Variants in SLC6A11 observed in about 807,000 individuals in gnomAD.
SLC6A11 encodes the protein solute carrier family 6 member 11.
A neutral mutation model predicts 74.8 loss-of-function variants in SLC6A11; 25 were observed. The observed-to-expected ratio is 0.33, with a 90% CI of 0.24 to 0.47. The LOEUF (loss-of-function observed/expected upper bound fraction) is 0.47. Among genes scored for constraint, SLC6A11 ranks in the 20% least tolerant of loss-of-function variants. The pLI, the probability that SLC6A11 is intolerant of heterozygous loss-of-function variation, is 1.00. For synonymous variants in SLC6A11, 330 were observed against 330.2 expected (o/e 1.00, Z 0.01); for missense variants, 574 against 837.0 (o/e 0.69, Z 3.88).
chr3:10,849,824 G>GA (rs1169309110), intron 5 of SLC6A11, among the ~76,000 whole-genome samples: 5 of 57,218 alleles, frequency 8.7e-5, no homozygotes, highest in Non-Finnish European at 1.5e-4. Flanking sequence ...AAAAAAAAAC[G>GA]AAAAAAAACC....
chr3:10,833,024 T>C (rs1694317521), intron 4 of SLC6A11, among the ~76,000 whole-genome samples: 1 of 152,158 alleles, frequency 6.6e-6, no homozygotes, highest in South Asian at 2.1e-4. Flanking sequence ...AGGACCCCCA[T>C]CTGCCAGGCA....
chr3:10,929,008 C>T (rs1214793182), intron 9 of SLC6A11, among the ~76,000 whole-genome samples, 194 bp from the exon 10 acceptor site: 3 of 152,148 alleles, frequency 2.0e-5, no homozygotes, highest in South Asian at 2.1e-4. Flanking sequence ...GCCTCAGCGT[C>T]GTCATCTGTT....
At chr3:10,831,708 T>C (rs1694300882) in intron 4 of SLC6A11, among the ~76,000 whole-genome samples, 1 of 152,230 alleles carries the variant, frequency 6.6e-6, no homozygotes, top group African/African-American at 2.4e-5. Flanking sequence ...TATTTCATAA[T>C]TTAAAAAATA....
At chr3:10,850,064 A>G (rs1559559688) in intron 5 of SLC6A11, among the ~76,000 whole-genome samples, 1 of 152,070 alleles carries the variant, frequency 6.6e-6, no homozygotes, top group East Asian at 1.9e-4. Context: ...GACCCATAAA[A>G]CCTAATATAT....
At chr3:10,884,025 T>TA (rs1464228371) in intron 6 of SLC6A11, among the ~76,000 whole-genome samples, 2 of 152,168 alleles carry the variant, frequency 1.3e-5, no homozygotes, top group African/African-American at 2.4e-5. Context: ...GACACATGAT[T>TA]AAGCCAATGA....
chr3:10,839,666 A>G (rs1457269135), intron 4 of SLC6A11, among the ~76,000 whole-genome samples: 1 of 152,138 alleles, frequency 6.6e-6, no homozygotes, highest in African/African-American at 2.4e-5. Flanking sequence ...GGGCTCAAGT[A>G]TGAATCCTCT....
intron 4 of SLC6A11, among the ~76,000 whole-genome samples, chr3:10,835,426 C>T (rs532377696): frequency 3.3e-5 from 5 of 152,268 alleles, no homozygotes; most frequent in South Asian, 4.2e-4. Flanking sequence ...GCAGTTCCTC[C>T]GTCTCTCACC....
intron 5 of SLC6A11, among the ~76,000 whole-genome samples, chr3:10,859,775 T>C (rs1390626891): frequency 1.3e-5 from 2 of 152,218 alleles, no homozygotes; most frequent in African/African-American, 4.8e-5. Context: ...GTTACATCAT[T>C]ATTTTATGTA....
Position 10,816,662 on chromosome 3 carries a change from G to C in SLC6A11, c.256+141G>C. On this transcript the variant is annotated intron_variant, in intron 1 of 13. Coordinates refer to ENST00000254488, the MANE Select transcript of SLC6A11 (RefSeq NM_014229.3). The surrounding 1 kb of genome is among the most constrained non-coding windows in gnomAD (Gnocchi z 4.2). ...AACCTCGACTCCAGGCACCTCGCGT[G>C]TGAGCTCGCCCCGGAGCGCGGCCCA... 1 of 912,878 alleles carries C rather than the reference G, an allele frequency of 1.1e-6. No individual in the cohort carries two copies. The highest frequency in any genetic ancestry group is 1.6e-6 in the Non-Finnish European group (1 of 639,850). 56.5% of individuals were successfully genotyped at this position (912,878 alleles called of 1,614,324 possible).
intron 5 of SLC6A11, among the ~76,000 whole-genome samples, chr3:10,873,995 A>ACAC (rs1553671324): frequency 5.3e-5 from 7 of 132,626 alleles, no homozygotes; most frequent in African/African-American, 2.1e-4. Flanking sequence ...ACGCTACGCT[A>ACAC]TGCTATGCTA....
rs554866581 is a variant in SLC6A11 at position 10,940,016 on chromosome 3, C to T, written c.*1614C>T. On this transcript the variant is annotated 3_prime_UTR_variant, in exon 14 of 14. Coordinates refer to ENST00000254488, the MANE Select transcript of SLC6A11 (RefSeq NM_014229.3). ...AAGGCCTGAGTTTCCTGTAAGGGTC[C>T]TCTGTTTTTGATTCACCCAAAAGTC... The T allele has an allele frequency of 6.6e-6, 1 of 152,326 alleles. No homozygotes were observed. The highest frequency in any genetic ancestry group is 2.4e-5 in the African/African-American group (1 of 41,552). 9.4% of individuals were successfully genotyped at this position (152,326 alleles called of 1,614,324 possible).
At chr3:10,934,218 T>C (rs766718356) in intron 12 of SLC6A11, 52 bp downstream of exon 12, 3 of 1,268,970 alleles carry the variant, frequency 2.4e-6, no homozygotes, top group East Asian at 4.7e-5. Context: ...CCATCTACCC[T>C]CCAACCCACG....
At chr3:10,836,813 G>C (rs1456562983) in intron 4 of SLC6A11, among the ~76,000 whole-genome samples, 1 of 152,154 alleles carries the variant, frequency 6.6e-6, no homozygotes, top group Non-Finnish European at 1.5e-5. Context: ...CTAGGACAAG[G>C]GTCAGCAAAC....
intron 6 of SLC6A11, among the ~76,000 whole-genome samples, chr3:10,897,110 C>T (rs1179614595): frequency 6.6e-6 from 1 of 152,142 alleles, no homozygotes; most frequent in African/African-American, 2.4e-5. Flanking sequence ...ACCATGAGAA[C>T]AGTATGGGGG....
chr3:10,927,131 A>G (rs1334136227), intron 9 of SLC6A11, among the ~76,000 whole-genome samples: 1 of 152,112 alleles, frequency 6.6e-6, no homozygotes, highest in African/African-American at 2.4e-5. Flanking sequence ...GTCCAATTCA[A>G]TTTCTTCCTC....
chr3:10,895,236 A>G (rs1695156612), intron 6 of SLC6A11, among the ~76,000 whole-genome samples: 2 of 152,192 alleles, frequency 1.3e-5, no homozygotes, highest in Admixed American at 6.5e-5. Flanking sequence ...TTAATTTGAG[A>G]GAGTGCATTT....
chr3:10,857,692 T>C (rs986906390), intron 5 of SLC6A11, among the ~76,000 whole-genome samples: 2 of 152,226 alleles, frequency 1.3e-5, no homozygotes, highest in Non-Finnish European at 2.9e-5. Flanking sequence ...ATGCCAGCCT[T>C]GGTGCCAGGG....
intron 7 of SLC6A11, among the ~76,000 whole-genome samples, chr3:10,914,474 G>T (rs1695428692): frequency 6.6e-6 from 1 of 151,928 alleles, no homozygotes; most frequent in South Asian, 2.1e-4. Context: ...AGACAATGGG[G>T]AAGTTAATGT....
chr3:10,905,778 A>G (rs1041540973), intron 6 of SLC6A11, among the ~76,000 whole-genome samples: 1 of 152,178 alleles, frequency 6.6e-6, no homozygotes, highest in Non-Finnish European at 1.5e-5. Flanking sequence ...ATGGTTCTTC[A>G]TGGGATGTTT....
Sources: gnomAD v4.1 joint callset for allele counts (sites outside exome capture counted in the v4.1 genomes callset) on GRCh38, gnomAD v4.1.1 for gene constraint, Gnocchi (gnomAD v3.1) non-coding constraint, MANE v1.5 for transcripts, NCBI Gene and HGNC (gene_info 2026-07-23, HGNC 2026-07-21) for gene names.